Variants in NUP205 observed in about 807,000 individuals in gnomAD.
NUP205 encodes the protein nucleoporin 205, also known as nuclear pore complex protein Nup205.
A neutral mutation model predicts 253.8 loss-of-function variants in NUP205; 76 were observed. The ratio of observed to expected loss-of-function variants is 0.30; its 90% CI spans 0.25 to 0.36. The LOEUF is 0.36. Among genes scored for constraint, NUP205 ranks in the 10% least tolerant of loss-of-function variants. NUP205 has a pLI of 1.00. For missense variants in NUP205, 2,162 were observed against 2,425.5 expected, an observed-to-expected ratio of 0.89 and a Z score of 2.28; for synonymous variants, 832 against 850.1, an observed-to-expected ratio of 0.98 and a Z score of 0.37.
rs1174862503 is a variant in NUP205 at position 135,584,896 on chromosome 7, C to T, written c.1107C>T (p.Phe369=). 2 of 1,613,900 alleles carry T rather than the reference C, an allele frequency of 1.2e-6. No individual in the cohort carries two copies. Among genetic ancestry groups the T allele is most frequent in the Non-Finnish European group, 1.7e-6 (2 of 1,179,924 alleles). ...MAELAIADNV[F]LFLMESVVVS... ...AACTCGCAATTGCTGACAACGTTTT[C>T]CTGTTCCTCATGGAATCTGTAGTGG... is the stretch of plus-strand genomic sequence containing the variant. Residue 369 remains phenylalanine, a synonymous_variant, in exon 8 of 43, where the codon TTC becomes TTT. Coordinates refer to ENST00000285968, the MANE Select transcript of NUP205 (RefSeq NM_015135.3).
At position 135,598,059 on chromosome 7, in the gene NUP205, A is replaced by G. The variant is rs151249802; in HGVS notation, c.2126A>G (p.Gln709Arg). ...TACCCATTGACTCGGGCCTTTTGCC[A>G]GCTTATTAGTACTCTGGTGGAGAGC... ...EEYPLTRAFC[Q>R]LISTLVESSF... Residue 709 changes from glutamine (Q) to arginine (R), a missense_variant, in exon 15 of 43, where the codon CAG becomes CGG. This residue lies in a region of NUP205 where 892 missense variants were observed against 957.1 expected (regional missense o/e 0.93). Coordinates refer to ENST00000285968, the MANE Select transcript of NUP205 (RefSeq NM_015135.3). 1.6e-5 allele frequency: 26 copies of G among 1,613,994 alleles called. No individual in the cohort carries two copies. Among genetic ancestry groups the G allele is most frequent in the African/African-American group, 1.5e-4 (11 of 74,914 alleles).
chr7:135,597,187 A>G (rs1793858937), intron 13 of NUP205, 181 bp from the exon 14 acceptor site: 3 of 475,100 alleles, frequency 6.3e-6, no homozygotes, highest in Middle Eastern at 2.9e-4. Context: ...CAAAAGTTCT[A>G]TCTCAACCTG....
chr7:135,606,424 G>T (rs1794087518), intron 20 of NUP205, among the ~76,000 whole-genome samples, 198 bp downstream of exon 20: 1 of 152,078 alleles, frequency 6.6e-6, no homozygotes, highest in African/African-American at 2.4e-5. Context: ...ACTCTCAAAG[G>T]AAATGCTCAT....
intron 33 of NUP205, among the ~76,000 whole-genome samples, chr7:135,627,767 A>G (rs745844867): frequency 1.3e-5 from 2 of 152,176 alleles, no homozygotes; most frequent in African/African-American, 2.4e-5. Context: ...CAGAATTCAA[A>G]TAACTGTTTT....
chr7:135,610,469 C>T (rs1794200905), intron 22 of NUP205, among the ~76,000 whole-genome samples: 1 of 152,230 alleles, frequency 6.6e-6, no homozygotes. Context: ...ATCCACCCGC[C>T]TTGGCCTCCC....
chr7:135,637,621 A>G (rs1199236006), intron 36 of NUP205, among the ~76,000 whole-genome samples: 2 of 152,158 alleles, frequency 1.3e-5, no homozygotes, highest in African/African-American at 4.8e-5. Flanking sequence ...TCATTTAATG[A>G]GTATCTTCCA....
intron 10 of NUP205, among the ~76,000 whole-genome samples, chr7:135,590,541 C>CT (rs59222729): frequency 0.15 from 21,563 of 144,484 alleles, 1,770 homozygotes; most frequent in East Asian, 0.23. Flanking sequence ...ATCATAAAAC[C>CT]TTTTTTTTTT....
intron 7 of NUP205, among the ~76,000 whole-genome samples, chr7:135,581,544 CA>C: frequency 6.7e-6 from 1 of 149,916 alleles, no homozygotes; most frequent in South Asian, 2.1e-4. Context: ...GATCACATCT[CA>C]AAAAAAATTA....
chr7:135,606,277 G>T, intron 20 of NUP205, 51 bp downstream of exon 20: 1 of 1,149,636 alleles, frequency 8.7e-7, no homozygotes, highest in South Asian at 1.3e-5. Flanking sequence ...TTTTATATAT[G>T]CTTAATTTAA....
Position 135,576,997 on chromosome 7 carries a change from T to C in NUP205, c.517T>C (p.Phe173Leu). The C allele has an allele frequency of 6.2e-7, 1 of 1,614,040 alleles. No individual in the cohort carries two copies. Among genetic ancestry groups the C allele is most frequent in the Non-Finnish European group, 8.5e-7 (1 of 1,179,964 alleles). ...SPELASMTTR[F>L]TDELMEQGLT... is the part of the protein sequence containing the mutation. Reference sequence around the variant, plus strand: ...AGAGCTGGCTTCCATGACAACACGCTTTACAGATGAGCTGATGGAGCAAGG... The same window carrying C: ...AGAGCTGGCTTCCATGACAACACGCCTTACAGATGAGCTGATGGAGCAAGG... Residue 173 changes from phenylalanine (F) to leucine (L), a missense_variant, in exon 5 of 43, where the codon TTT (phenylalanine) becomes CTT (leucine). By Grantham distance (22) the Phe-to-Leu change is conservative. Coordinates refer to ENST00000285968, the MANE Select transcript of NUP205 (RefSeq NM_015135.3).
At chr7:135,607,590 T>C (rs1280949169) in intron 22 of NUP205, among the ~76,000 whole-genome samples, 1 of 152,120 alleles carries the variant, frequency 6.6e-6, no homozygotes, top group Non-Finnish European at 1.5e-5. Context: ...TAGAGGAAAT[T>C]AGATTTTTGT....
chr7:135,567,866 T>C (rs1805829029), intron 1 of NUP205, among the ~76,000 whole-genome samples: 1 of 152,178 alleles, frequency 6.6e-6, no homozygotes, highest in Non-Finnish European at 1.5e-5. Context: ...GAGTACCTTA[T>C]CTGCTTATTT....
chr7:135,645,401 C>T (rs557912735), intron 40 of NUP205, 67 bp from the exon 41 acceptor site: 11 of 1,523,310 alleles, frequency 7.2e-6, no homozygotes, highest in African/African-American at 4.2e-5. Context: ...TTTTTCTTCT[C>T]CTCCGAAACT....
Position 135,573,637 on chromosome 7 carries a change from CA to C in NUP205, c.172-15del, listed in dbSNP as rs1295363104. ...CAGTGTGCTATTTTCATAACAATTACAATTTTATCATTGTAGCCAAAAAATG... is the reference window on the plus strand; with the variant it reads ...CAGTGTGCTATTTTCATAACAATTACATTTTATCATTGTAGCCAAAAAATG... On this transcript the variant is annotated splice_polypyrimidine_tract_variant and intron_variant, in intron 2 of 42. Transcript: ENST00000285968. 1.9e-6 allele frequency: 3 copies of C among 1,602,212 alleles called. No homozygotes were observed. The South Asian group carries it at 3.4e-5, about 18-fold the overall frequency.
chr7:135,587,431 G>A (rs1039208476), intron 8 of NUP205, 144 bp from the exon 9 acceptor site: 4 of 416,578 alleles, frequency 9.6e-6, no homozygotes, highest in African/African-American at 8.2e-5. Flanking sequence ...TTCCTGGCAT[G>A]TTTCTTCATG....
At chr7:135,576,940 C>T (rs201904251) in intron 4 of NUP205, 29 bp from the exon 5 acceptor site, 10 of 1,590,032 alleles carry the variant, frequency 6.3e-6, no homozygotes, top group African/African-American at 2.7e-5. Flanking sequence ...TATTGTTTAA[C>T]GTAGTTTATT....
chr7:135,580,326 T>A (rs1281297112), intron 7 of NUP205, among the ~76,000 whole-genome samples: 1 of 152,230 alleles, frequency 6.6e-6, no homozygotes, highest in Non-Finnish European at 1.5e-5. Flanking sequence ...TAAATGCTGA[T>A]AGCGAATTAG....
chr7:135,618,905 G>T (rs1313547997), intron 28 of NUP205, among the ~76,000 whole-genome samples: 1 of 152,120 alleles, frequency 6.6e-6, no homozygotes, highest in Non-Finnish European at 1.5e-5. Flanking sequence ...CCTCCCTAGG[G>T]AATTCTGATA....
At chr7:135,565,651 C>T (rs986551324) in intron 1 of NUP205, among the ~76,000 whole-genome samples, 11 of 151,992 alleles carry the variant, frequency 7.2e-5, no homozygotes, top group Admixed American at 2.0e-4. Flanking sequence ...AGGCTGGTCT[C>T]GAACTCCCGA....
Sources: allele counts gnomAD v4.1 joint callset (sites outside exome capture counted in the v4.1 genomes callset), GRCh38; gene constraint gnomAD v4.1.1; regional missense constraint gnomAD v4.1.1; transcripts MANE v1.5; gene names NCBI Gene and HGNC (gene_info 2026-07-23, HGNC 2026-07-21).